CAP2: variants seen among roughly 807,000 people sequenced by gnomAD.
CAP2 encodes cyclase associated actin cytoskeleton regulatory protein 2.
Under a neutral mutation model 57.7 loss-of-function variants are expected in CAP2, and 24 were observed. That is an observed-to-expected ratio of 0.42 (90% CI 0.30 to 0.58). CAP2 has a LOEUF of 0.58. Ranked by LOEUF, CAP2 falls within the 20% of genes least tolerant of loss-of-function variation. The pLI, the probability that CAP2 is intolerant of heterozygous loss-of-function variation, is 0.22. For missense variants in CAP2, 501 were observed against 590.3 expected, an observed-to-expected ratio of 0.85 and a Z score of 1.57; for synonymous variants, 194 against 207.2, an observed-to-expected ratio of 0.94 and a Z score of 0.55.
chr6:17,549,180 G>A (rs1274597112), intron 11 of CAP2, among the ~76,000 whole-genome samples: 1 of 152,120 alleles, frequency 6.6e-6, no homozygotes, highest in African/African-American at 2.4e-5. Context: ...TAAGAAAAAG[G>A]CTGCTGGGCG....
intron 4 of CAP2, among the ~76,000 whole-genome samples, chr6:17,463,456 G>A (rs994247487): frequency 1.3e-5 from 2 of 152,136 alleles, no homozygotes; most frequent in Non-Finnish European, 2.9e-5. Flanking sequence ...TCAAGGAAAT[G>A]TTTATAACTA....
intron 3 of CAP2, among the ~76,000 whole-genome samples, chr6:17,441,748 G>C (rs1231616378): frequency 1.3e-5 from 2 of 152,192 alleles, no homozygotes; most frequent in South Asian, 2.1e-4. Flanking sequence ...GCCTCCCAAA[G>C]TGTTGGGATT....
chr6:17,463,056 T>C lies in CAP2; in HGVS notation c.283T>C (p.Tyr95His). The change falls in exon 4 of 13, where the codon TAC becomes CAC. Residue 95 changes from tyrosine (Y) to histidine (H), a missense_variant. Physicochemically the swap from Tyr to His is moderately conservative, Grantham distance 83 (BLOSUM62 2). Coordinates refer to ENST00000229922, the MANE Select transcript of CAP2 (RefSeq NM_006366.3). Reference sequence around the variant, plus strand: ...GGCTTTCCTTCTGATGGCCTCTCAGTACCAACAACCCCACGAGGTAAGAGA... The same window carrying C: ...GGCTTTCCTTCTGATGGCCTCTCAGCACCAACAACCCCACGAGGTAAGAGA... ...QRAFLLMASQ[Y>H]QQPHENDVAA... 2 of 1,613,218 alleles carry C rather than the reference T, an allele frequency of 1.2e-6. No individual in the cohort carries two copies. Among genetic ancestry groups the C allele is most frequent in the Non-Finnish European group, 8.5e-7 (1 of 1,179,220 alleles).
intron 4 of CAP2, among the ~76,000 whole-genome samples, chr6:17,499,788 T>C (rs1022189554): frequency 6.6e-5 from 10 of 151,576 alleles, no homozygotes; most frequent in Admixed American, 6.6e-4. Context: ...GAGATTGAGG[T>C]TGCAGTGAGC....
At chr6:17,536,268 A>G (rs1455985804) in intron 7 of CAP2, 1 of 456,628 alleles carries the variant, frequency 2.2e-6, no homozygotes, top group Non-Finnish European at 4.4e-6. Context: ...AAGATAAGTG[A>G]CTTTGCAAGG....
At chr6:17,405,498 G>GTCTCTC (rs57158664) in intron 1 of CAP2, among the ~76,000 whole-genome samples, 2,498 of 148,486 alleles carry the variant, frequency 0.017, 79 homozygotes, top group African/African-American at 0.058. Flanking sequence ...TGAATGTGGA[G>GTCTCTC]TCTCTCTCTC....
At chr6:17,460,253 C>T (rs973653250) in intron 3 of CAP2, among the ~76,000 whole-genome samples, 19 of 150,886 alleles carry the variant, frequency 1.3e-4, no homozygotes, top group East Asian at 1.9e-4. Flanking sequence ...AACAGGGAGA[C>T]GTGCTTCAAC....
At chr6:17,526,514 G>A (rs1394491755) in intron 7 of CAP2, among the ~76,000 whole-genome samples, 1 of 152,174 alleles carries the variant, frequency 6.6e-6, no homozygotes, top group Non-Finnish European at 1.5e-5. Flanking sequence ...CTCTGCTCCT[G>A]TCCCTTGTCA....
chr6:17,521,970 G>A (rs181277766), intron 7 of CAP2, among the ~76,000 whole-genome samples: 17 of 152,084 alleles, frequency 1.1e-4, no homozygotes, highest in African/African-American at 2.2e-4. Context: ...TTAGCTGGGC[G>A]TGGTGGTGCA....
intron 1 of CAP2, among the ~76,000 whole-genome samples, chr6:17,408,921 G>A (rs926890834): frequency 6.6e-6 from 1 of 151,016 alleles, no homozygotes; most frequent in African/African-American, 2.4e-5. Context: ...CGCCAGCCTC[G>A]GCCTCCCCAA....
intron 3 of CAP2, among the ~76,000 whole-genome samples, chr6:17,444,871 G>A (rs1228860254): frequency 2.0e-5 from 3 of 149,206 alleles, no homozygotes; most frequent in Non-Finnish European, 4.4e-5. Flanking sequence ...TATCACAGCT[G>A]TGACAGTTTA....
chr6:17,482,336 C>T (rs1333497343), intron 4 of CAP2, among the ~76,000 whole-genome samples: 4 of 151,864 alleles, frequency 2.6e-5, no homozygotes, highest in Admixed American at 6.6e-5. Flanking sequence ...GGTGAAACCC[C>T]GTCTCTACTA....
chr6:17,471,239 C>G (rs1219884764), intron 4 of CAP2, among the ~76,000 whole-genome samples: 1 of 152,192 alleles, frequency 6.6e-6, no homozygotes, highest in East Asian at 1.9e-4. Flanking sequence ...ATTGCTCAAT[C>G]AGAATTGCTG....
intron 1 of CAP2, among the ~76,000 whole-genome samples, chr6:17,403,015 A>G (rs923184285): frequency 1.3e-5 from 2 of 152,222 alleles, no homozygotes; most frequent in Non-Finnish European, 2.9e-5. Context: ...TCTCCTCATT[A>G]TGTTTCCCAG....
In CAP2 at chr6:17,542,888, CA is replaced by C; in HGVS notation, c.1056del (p.Val353TrpfsTer14). ...TGTGATTTCAGAGACTGAGCTGAAA[CA>C]AGTGGCTTACATTTTCAAATGCGAA... ...DLVISETELK[Q>X]VAYIFKCEKS... On this transcript the variant is annotated frameshift_variant, in exon 10 of 13. Transcript: ENST00000229922. LOFTEE classifies it high-confidence loss of function. 1 of 1,612,212 alleles carries C rather than the reference CA, an allele frequency of 6.2e-7. No homozygotes were observed. Among genetic ancestry groups the C allele is most frequent in the Non-Finnish European group, 8.5e-7 (1 of 1,178,296 alleles).
intron 1 of CAP2, among the ~76,000 whole-genome samples, chr6:17,418,667 A>T (rs540073143): frequency 6.8e-6 from 1 of 146,510 alleles, no homozygotes; most frequent in African/African-American, 2.8e-5. Flanking sequence ...AACAAAGCAA[A>T]CATTTTTTTT....
Position 17,532,037 on chromosome 6 carries a change from C to T in CAP2, c.637-7232C>T, listed in dbSNP as rs143906024. 2.2e-3 allele frequency among the ~76,000 whole-genome samples: 334 copies of T among 152,018 alleles called. 2 individuals carry two copies. The highest frequency in any genetic ancestry group is 7.6e-3 in the African/African-American group (315 of 41,444). ...ATGTTTGTTTAGTAGACTGACAAAGCAGCCTTAGTTATTCAATTCACTTTT... is the reference window on the plus strand; with the variant it reads ...ATGTTTGTTTAGTAGACTGACAAAGTAGCCTTAGTTATTCAATTCACTTTT... On this transcript the variant is annotated intron_variant, in intron 7 of 12. Transcript: ENST00000229922.
intron 3 of CAP2, among the ~76,000 whole-genome samples, chr6:17,449,687 G>A (rs975975526): frequency 2.6e-5 from 4 of 152,134 alleles, no homozygotes; most frequent in Non-Finnish European, 5.9e-5. Flanking sequence ...GGGATTACAA[G>A]CATGAGCCAC....
intron 7 of CAP2, among the ~76,000 whole-genome samples, chr6:17,535,219 G>T: frequency 6.6e-6 from 1 of 151,754 alleles, no homozygotes; most frequent in Non-Finnish European, 1.5e-5. Flanking sequence ...AGGCCCACAG[G>T]CTGCGCTACA....
Sources: allele counts gnomAD v4.1 joint callset (sites outside exome capture counted in the v4.1 genomes callset), GRCh38; gene constraint gnomAD v4.1.1; transcripts MANE v1.5; gene names NCBI Gene and HGNC (gene_info 2026-07-23, HGNC 2026-07-21).